Variants in EPHB1 observed in about 807,000 individuals in gnomAD.
The protein encoded by EPHB1 is EPH receptor B1, also known as ephrin type-B receptor 1.
A neutral mutation model predicts 94.4 loss-of-function variants in EPHB1; 30 were observed. The observed-to-expected ratio is 0.32, with a 90% CI of 0.24 to 0.43. The LOEUF is 0.43. Among genes scored for constraint, EPHB1 ranks in the 20% least tolerant of loss-of-function variants. The pLI, the probability that EPHB1 is intolerant of heterozygous loss-of-function variation, is 1.00. For synonymous variants in EPHB1, 522 were observed against 489.1 expected (o/e 1.07, Z -0.89); for missense variants, 1,055 against 1,308.3 (o/e 0.81, Z 2.99).
intron 1 of EPHB1, among the ~76,000 whole-genome samples, chr3:134,851,116 G>T (rs1167652103): frequency 6.6e-6 from 1 of 152,230 alleles, no homozygotes; most frequent in African/African-American, 2.4e-5. Flanking sequence ...GTCTGGCTGG[G>T]TCCAGCGAAG....
chr3:135,249,531 G>A (rs1004828351), intron 15 of EPHB1, 40 bp downstream of exon 15: 6 of 1,588,722 alleles, frequency 3.8e-6, no homozygotes, highest in Non-Finnish European at 3.4e-6. Flanking sequence ...CACACCTAGG[G>A]GTCAGTGCTC....
intron 12 of EPHB1, among the ~76,000 whole-genome samples, chr3:135,220,714 A>C (rs1943256655): frequency 6.6e-6 from 1 of 151,352 alleles, no homozygotes; most frequent in Non-Finnish European, 1.5e-5. Flanking sequence ...AGAAGAGGAG[A>C]GGACCCAGGT....
intron 1 of EPHB1, among the ~76,000 whole-genome samples, chr3:134,869,303 A>G (rs2037447397): frequency 6.6e-6 from 1 of 152,174 alleles, no homozygotes; most frequent in African/African-American, 2.4e-5. Flanking sequence ...AGTGCCGTGG[A>G]TCTGGTTTCT....
chr3:134,812,749 C>A (rs945167523), intron 1 of EPHB1, among the ~76,000 whole-genome samples: 1 of 152,182 alleles, frequency 6.6e-6, no homozygotes, highest in African/African-American at 2.4e-5. Flanking sequence ...CCCAGTTGTT[C>A]CACATCCTCA....
intron 3 of EPHB1, among the ~76,000 whole-genome samples, chr3:135,024,704 G>A (rs1474810263): frequency 6.6e-6 from 1 of 152,108 alleles, no homozygotes; most frequent in Non-Finnish European, 1.5e-5. Context: ...ACAATTCCAT[G>A]AGTACCAAAA....
intron 3 of EPHB1, among the ~76,000 whole-genome samples, chr3:135,072,971 A>T (rs947684909): frequency 2.6e-5 from 4 of 152,202 alleles, no homozygotes; most frequent in Admixed American, 2.0e-4. Flanking sequence ...TCATGAGTTC[A>T]TAGATTTAAA....
chr3:134,828,549 T>C (rs1442537384), intron 1 of EPHB1, among the ~76,000 whole-genome samples: 3 of 152,216 alleles, frequency 2.0e-5, no homozygotes, highest in African/African-American at 4.8e-5. Context: ...CCCAAGTGGC[T>C]GAATTACTGC....
At chr3:134,904,921 C>G (rs967634416) in intron 1 of EPHB1, among the ~76,000 whole-genome samples, 1 of 152,166 alleles carries the variant, frequency 6.6e-6, no homozygotes, top group African/African-American at 2.4e-5. Flanking sequence ...TAACCAGGGG[C>G]CTTTTAGGGG....
intron 3 of EPHB1, among the ~76,000 whole-genome samples, chr3:135,020,151 ATTATT>A (rs1935939021): frequency 6.6e-6 from 1 of 152,088 alleles, no homozygotes; most frequent in South Asian, 2.1e-4. Flanking sequence ...TGTTTTACTT[ATTATT>A]TTAAGTGTTC....
intron 3 of EPHB1, among the ~76,000 whole-genome samples, chr3:135,048,257 TTC>T (rs1937065275): frequency 2.9e-5 from 4 of 136,982 alleles, no homozygotes; most frequent in African/African-American, 6.0e-5. Context: ...TCTTTCTTTT[TTC>T]TTTTTTTTTT....
intron 2 of EPHB1, among the ~76,000 whole-genome samples, chr3:134,946,872 C>T (rs1006555973): frequency 5.3e-5 from 8 of 152,188 alleles, no homozygotes; most frequent in Non-Finnish European, 8.8e-5. Context: ...GTACAGGCTG[C>T]AGAACTATAA....
At chr3:135,076,554 A>G (rs1231615377) in intron 3 of EPHB1, among the ~76,000 whole-genome samples, 1 of 152,186 alleles carries the variant, frequency 6.6e-6, no homozygotes, top group Non-Finnish European at 1.5e-5. Flanking sequence ...TAAGTTAATT[A>G]TAAGTTTACC....
At chr3:135,090,461 C>T (rs950975334) in intron 3 of EPHB1, among the ~76,000 whole-genome samples, 2 of 152,200 alleles carry the variant, frequency 1.3e-5, no homozygotes, top group African/African-American at 4.8e-5. Context: ...ATGACTATAA[C>T]CTTATTTCAA....
chr3:135,232,254 T>G (rs1269405283), intron 12 of EPHB1, among the ~76,000 whole-genome samples: 2 of 152,228 alleles, frequency 1.3e-5, no homozygotes, highest in East Asian at 3.8e-4. Flanking sequence ...GTTGAGACAT[T>G]TATTCTAAAA....
chr3:135,217,983 T>G (rs1003762543), intron 12 of EPHB1, among the ~76,000 whole-genome samples: 9 of 152,110 alleles, frequency 5.9e-5, no homozygotes, highest in Non-Finnish European at 5.9e-5. Context: ...TCCCCATAGC[T>G]CCTGGCAGTA....
intron 3 of EPHB1, among the ~76,000 whole-genome samples, chr3:135,064,233 C>G (rs377162446): frequency 1.3e-5 from 2 of 152,032 alleles, no homozygotes; most frequent in African/African-American, 4.8e-5. Context: ...AGGGTTCCAC[C>G]TTTTCTATCT....
At chr3:135,021,593 A>G (rs1935990621) in intron 3 of EPHB1, among the ~76,000 whole-genome samples, 1 of 151,706 alleles carries the variant, frequency 6.6e-6, no homozygotes, top group African/African-American at 2.4e-5. Context: ...TATGTCTTTA[A>G]TCATACTGTC....
intron 3 of EPHB1, among the ~76,000 whole-genome samples, chr3:134,998,196 T>G (rs192261986): frequency 6.6e-6 from 1 of 152,304 alleles, no homozygotes; most frequent in East Asian, 1.9e-4. Context: ...ATGCACCACT[T>G]CTGGGTCATG....
At position 135,198,018 on chromosome 3, in the gene EPHB1, T is replaced by G. The variant is rs555631067; in HGVS notation, c.2131-3456T>G. ...TACATATCTTGATATGTGGTTCTCTTGAAGATTCTAAAGAAAATGTATTGC... is the reference window on the plus strand; with the variant it reads ...TACATATCTTGATATGTGGTTCTCTGGAAGATTCTAAAGAAAATGTATTGC... On this transcript the variant is annotated intron_variant, in intron 11 of 15. Transcript: ENST00000398015. Among the ~76,000 whole-genome samples the G allele has an allele frequency of 3.1e-4, 47 of 152,322 alleles. No individual in the cohort carries two copies. The Middle Eastern group carries it at 0.014, about 44-fold the overall frequency.
Sources: allele counts gnomAD v4.1 joint callset (sites outside exome capture counted in the v4.1 genomes callset), GRCh38; gene constraint gnomAD v4.1.1; transcripts MANE v1.5; gene names NCBI Gene and HGNC (gene_info 2026-07-23, HGNC 2026-07-21).